The following SRL variants were observed in gnomAD, a reference collection of about 807,000 sequenced individuals.
SRL encodes the protein sarcalumenin.
A neutral mutation model predicts 39.5 loss-of-function variants in SRL; 23 were observed. The observed-to-expected ratio is 0.58, with a 90% CI of 0.42 to 0.82. The LOEUF is 0.82. SRL is among the 40% of genes least tolerant of loss of function. The pLI, the probability that SRL is intolerant of heterozygous loss-of-function variation, is 0.00. For synonymous variants in SRL, 272 were observed against 237.4 expected, an observed-to-expected ratio of 1.15 and a Z score of -1.34; for missense variants, 592 against 607.8, an observed-to-expected ratio of 0.97 and a Z score of 0.27.
Position 4,242,029 on chromosome 16 carries a change from C to A in SRL, c.39G>T (p.Ser13=). The A allele has an allele frequency of 1.2e-6, 2 of 1,613,328 alleles. No homozygotes were observed. Among genetic ancestry groups the A allele is most frequent in the South Asian group, 1.1e-5 (1 of 90,960 alleles). The part of the protein sequence containing the change: ...ALVLLGCLLA[S]LLFSGQAEET... ...TACCTGCTTGTCCTGAGAACAGGAG[C>A]GAGGCCAGGAGGCAGCCGAGCAGGA... Residue 13 remains serine, a synonymous_variant, in exon 1 of 6, where the codon TCG becomes TCT. Coordinates refer to ENST00000399609, the MANE Select transcript of SRL (RefSeq NM_001098814.2).
intron 1 of SRL, chr16:4,207,682 C>G (rs1350999679): frequency 2.4e-6 from 1 of 422,090 alleles, no homozygotes. Flanking sequence ...GTGGGGAGCC[C>G]AAACCCAGTC....
At chr16:4,200,500 C>A (rs1306891833) in intron 3 of SRL, among the ~76,000 whole-genome samples, 2 of 152,206 alleles carry the variant, frequency 1.3e-5, no homozygotes, top group Admixed American at 6.5e-5. Context: ...AAGAACCAAG[C>A]CCAAAAGGTG....
At chr16:4,205,160 C>A (rs1481926326) in intron 1 of SRL, among the ~76,000 whole-genome samples, 1 of 150,690 alleles carries the variant, frequency 6.6e-6, no homozygotes, top group African/African-American at 2.4e-5. Context: ...CCATCTCTAC[C>A]AAAAAAAAAC....
chr16:4,211,517 ATGATGATGG>A (rs1298841311), intron 1 of SRL, among the ~76,000 whole-genome samples: 2 of 118,126 alleles, frequency 1.7e-5, no homozygotes, highest in Admixed American at 7.7e-5. Flanking sequence ...GATCGTGATG[ATGATGATGG>A]TGATGATGAT....
intron 1 of SRL, among the ~76,000 whole-genome samples, chr16:4,228,475 C>G (rs1006540714): frequency 5.9e-5 from 9 of 151,986 alleles, no homozygotes; most frequent in Non-Finnish European, 1.3e-4. Context: ...GTGGCTCACA[C>G]CTACAATCCC....
intron 5 of SRL, 94 bp downstream of exon 5, chr16:4,195,459 A>G: frequency 7.9e-7 from 1 of 1,273,810 alleles, no homozygotes; most frequent in Non-Finnish European, 1.1e-6. Context: ...TGGTCTCCCA[A>G]AGAGTTGGGA....
intron 1 of SRL, among the ~76,000 whole-genome samples, chr16:4,240,038 G>A (rs2141075317): frequency 6.6e-6 from 1 of 152,314 alleles, no homozygotes; most frequent in South Asian, 2.1e-4. Context: ...AGGGAGGCGA[G>A]AAGGAGGGCT....
chr16:4,207,736 C>T, intron 1 of SRL: 1 of 418,434 alleles, frequency 2.4e-6, no homozygotes, highest in Non-Finnish European at 4.7e-6. Context: ...TCCGGCCACT[C>T]CTCTTCCACA....
At chr16:4,221,143 G>A (rs2052526275) in intron 1 of SRL, among the ~76,000 whole-genome samples, 1 of 151,842 alleles carries the variant, frequency 6.6e-6, no homozygotes, top group Admixed American at 6.6e-5. Flanking sequence ...CTGCCTCCTG[G>A]GTTCAAGTGA....
At position 4,239,586 on chromosome 16, in the gene SRL, C is replaced by T. The variant is rs137999358; in HGVS notation, c.61+2421G>A. The T allele has an allele frequency of 1.3e-3, 202 of 152,462 alleles. 1 individual carries two copies. Among genetic ancestry groups the T allele is most frequent in the African/African-American group, 4.8e-3 (198 of 41,590 alleles). 9.4% of individuals were successfully genotyped at this position (152,462 alleles called of 1,614,324 possible). Reference sequence around the variant, plus strand: ...CGCCCTGCAAACTAGGGAAACTCCCCCAGGACGGTCTTATCCACTGCACCC... The same window carrying T: ...CGCCCTGCAAACTAGGGAAACTCCCTCAGGACGGTCTTATCCACTGCACCC... On this transcript the variant is annotated intron_variant, in intron 1 of 5. Transcript: ENST00000399609.
At chr16:4,230,794 G>A (rs1267517108) in intron 1 of SRL, among the ~76,000 whole-genome samples, 2 of 152,126 alleles carry the variant, frequency 1.3e-5, no homozygotes, top group Non-Finnish European at 2.9e-5. Context: ...ATGTCCTTAG[G>A]TGATGAGGAG....
At chr16:4,233,662 G>A (rs1294084076) in intron 1 of SRL, among the ~76,000 whole-genome samples, 4 of 152,058 alleles carry the variant, frequency 2.6e-5, no homozygotes, top group African/African-American at 9.7e-5. Flanking sequence ...CCTGCACAGT[G>A]CAGCTGGCCA....
intron 1 of SRL, among the ~76,000 whole-genome samples, chr16:4,205,661 G>C (rs566624492): frequency 6.6e-6 from 1 of 152,256 alleles, no homozygotes; most frequent in East Asian, 1.9e-4. Flanking sequence ...AGGGGTGTCT[G>C]GCTGCAGCTG....
At chr16:4,224,223 G>A (rs1597289950) in intron 1 of SRL, among the ~76,000 whole-genome samples, 1 of 152,196 alleles carries the variant, frequency 6.6e-6, no homozygotes, top group East Asian at 1.9e-4. Context: ...CCTCAAGCAA[G>A]TATTTAAACA....
chr16:4,225,208 A>G (rs2052574186), intron 1 of SRL, among the ~76,000 whole-genome samples: 1 of 152,206 alleles, frequency 6.6e-6, no homozygotes, highest in Admixed American at 6.5e-5. Flanking sequence ...ATCTGTGAAT[A>G]TACTAAAAAC....
At chr16:4,212,563 C>T (rs539746289) in intron 1 of SRL, among the ~76,000 whole-genome samples, 15 of 152,320 alleles carry the variant, frequency 9.8e-5, no homozygotes, top group Admixed American at 8.5e-4. Context: ...AGAGGTGAAT[C>T]CCCAGTAAGA....
chr16:4,207,426 G>C, intron 1 of SRL: 1 of 456,742 alleles, frequency 2.2e-6, no homozygotes, highest in Non-Finnish European at 4.4e-6. Context: ...TCCCCCAACA[G>C]CCGCGACGTC....
At chr16:4,197,721 C>T (rs576713173) in intron 4 of SRL, 78 bp downstream of exon 4, 14 of 1,080,374 alleles carry the variant, frequency 1.3e-5, no homozygotes, top group East Asian at 4.7e-5. Flanking sequence ...TCATAATGTC[C>T]GGCCAGTGAT....
intron 2 of SRL, among the ~76,000 whole-genome samples, chr16:4,203,474 C>G (rs189492636): frequency 2.4e-3 from 363 of 152,312 alleles, no homozygotes; most frequent in African/African-American, 8.5e-3. Flanking sequence ...AAGGCATTCT[C>G]CTACCCACCC....
Sources: allele counts gnomAD v4.1 joint callset (sites outside exome capture counted in the v4.1 genomes callset), GRCh38; gene constraint gnomAD v4.1.1; transcripts MANE v1.5; gene names NCBI Gene and HGNC (gene_info 2026-07-23, HGNC 2026-07-21).